Variants in EIPR1 observed in about 807,000 individuals in gnomAD.
The protein encoded by EIPR1 is EARP and GARP complex-interacting protein 1.
In EIPR1, 25 loss-of-function variants were observed where a neutral mutation model predicts 48.1. The ratio of observed to expected loss-of-function variants is 0.52; its 90% CI spans 0.38 to 0.73. EIPR1 has a LOEUF of 0.73. Ranked by LOEUF, EIPR1 falls within the 30% of genes least tolerant of loss-of-function variation. The pLI is 0.00. For missense variants in EIPR1, 415 were observed against 506.2 expected, an observed-to-expected ratio of 0.82 and a Z score of 1.73; for synonymous variants, 204 against 201.9, an observed-to-expected ratio of 1.01 and a Z score of -0.09.
intron 4 of EIPR1, among the ~76,000 whole-genome samples, chr2:3,256,704 A>G (rs940353273): frequency 7.2e-5 from 11 of 152,190 alleles, no homozygotes; most frequent in African/African-American, 2.7e-4. Flanking sequence ...AATTTTTACC[A>G]AGGCCTCAGG....
Position 3,192,569 on chromosome 2 carries a change from G to T in EIPR1, c.834C>A (p.Val278=). Residue 278 remains valine (V), a synonymous_variant, in exon 8 of 9, where the codon GTC becomes GTA. Coordinates refer to ENST00000382125, the MANE Select transcript of EIPR1 (RefSeq NM_003310.5). ...LEEHSHWVWN[V]RYNHSHDQLV... ...GCTGGTCATGAGAGTGGTTGTAGCG[G>T]ACGTTCCACACCCTGCAAAGGGCAA... The T allele has an allele frequency of 1.2e-6, 2 of 1,611,698 alleles. No individual in the cohort carries two copies. Among genetic ancestry groups the T allele is most frequent in the Non-Finnish European group, 1.7e-6 (2 of 1,179,442 alleles).
In EIPR1 at chr2:3,257,317, G is replaced by A. The variant is rs755971215; in HGVS notation, c.398C>T (p.Ala133Val). Residue 133 changes from alanine to valine, a missense_variant, in exon 4 of 9, where the codon GCC becomes GTC. Physicochemically the swap from Ala to Val is moderately conservative, Grantham distance 64 (BLOSUM62 0). Transcript: ENST00000382125. ...LELLCHLDNT[A>V]HGNMACVVWE... ...ATCCTACCAGGCCATGTTGCCATGG[G>A]CTGTGTTGTCAAGGTGACAGAGCAG... 26 of 1,613,806 alleles carry A rather than the reference G, an allele frequency of 1.6e-5. No individual in the cohort carries two copies. Among genetic ancestry groups the A allele is most frequent in the Non-Finnish European group, 1.9e-5 (23 of 1,179,862 alleles).
chr2:3,370,759 T>A (rs150012004), intron 1 of EIPR1, among the ~76,000 whole-genome samples: 69 of 152,340 alleles, frequency 4.5e-4, no homozygotes, highest in African/African-American at 1.5e-3. Context: ...AATCTGCACC[T>A]GATTGGTGTA....
chr2:3,315,007 G>A (rs1045435985), intron 3 of EIPR1, among the ~76,000 whole-genome samples: 41 of 151,378 alleles, frequency 2.7e-4, no homozygotes, highest in Non-Finnish European at 4.0e-4. Context: ...GCATCCCCTC[G>A]TGCTGCACTT....
At position 3,344,382 on chromosome 2, in the gene EIPR1, T is replaced by C. The variant is rs566501154; in HGVS notation, c.127-6233A>G. Among the ~76,000 whole-genome samples, 5 of 152,364 alleles carry C rather than the reference T, an allele frequency of 3.3e-5. No homozygotes were observed. The South Asian group carries it at 1.0e-3, about 32-fold the overall frequency. ...TTTCTTTACCCCTGGTTACAGCATGTGACTCTGAAAACACAGTTTCTACTC... is the reference window on the plus strand; with the variant it reads ...TTTCTTTACCCCTGGTTACAGCATGCGACTCTGAAAACACAGTTTCTACTC... On this transcript the variant is annotated intron_variant, in intron 2 of 8. Transcript: ENST00000382125.
intron 1 of EIPR1, among the ~76,000 whole-genome samples, chr2:3,363,729 G>T (rs1169913171): frequency 6.8e-6 from 1 of 147,670 alleles, no homozygotes; most frequent in African/African-American, 2.5e-5. Flanking sequence ...ACAGAATGGG[G>T]TAAAGATTTG....
At chr2:3,272,027 G>A (rs530386395) in intron 3 of EIPR1, among the ~76,000 whole-genome samples, 14 of 152,334 alleles carry the variant, frequency 9.2e-5, no homozygotes, top group African/African-American at 3.4e-4. Flanking sequence ...GCTTCACCTT[G>A]TACTCTTACG....
chr2:3,289,863 T>C (rs997929417), intron 3 of EIPR1, among the ~76,000 whole-genome samples: 15 of 152,202 alleles, frequency 9.9e-5, no homozygotes, highest in African/African-American at 3.4e-4. Context: ...GGCCACAAGA[T>C]ACTGGCCCCA....
chr2:3,342,439 A>G (rs1436619270), intron 2 of EIPR1, among the ~76,000 whole-genome samples: 1 of 152,230 alleles, frequency 6.6e-6, no homozygotes, highest in African/African-American at 2.4e-5. Context: ...CTACTTTGCA[A>G]ATCTGCTCCC....
intron 3 of EIPR1, among the ~76,000 whole-genome samples, chr2:3,335,263 G>A (rs1489018263): frequency 3.3e-5 from 5 of 152,242 alleles, no homozygotes; most frequent in African/African-American, 4.8e-5. Context: ...AGTGTATAAT[G>A]ACTATGGAAG....
intron 4 of EIPR1, among the ~76,000 whole-genome samples, chr2:3,255,663 T>C (rs950132211): frequency 3.9e-5 from 6 of 152,174 alleles, no homozygotes; most frequent in Non-Finnish European, 8.8e-5. Context: ...AGGTCCCTTT[T>C]CTGAGCTCAC....
chr2:3,358,179 G>C (rs568844169), intron 1 of EIPR1, among the ~76,000 whole-genome samples: 3 of 152,036 alleles, frequency 2.0e-5, no homozygotes, highest in Non-Finnish European at 4.4e-5. Context: ...CTGGTGTTTT[G>C]ATTCATTTCT....
chr2:3,212,141 G>A (rs1665478247), intron 5 of EIPR1, among the ~76,000 whole-genome samples: 1 of 152,194 alleles, frequency 6.6e-6, no homozygotes, highest in Admixed American at 6.5e-5. Context: ...GGGCCACAAA[G>A]TAATATTGAC....
At chr2:3,277,302 G>A (rs895649846) in intron 3 of EIPR1, among the ~76,000 whole-genome samples, 1 of 143,480 alleles carries the variant, frequency 7.0e-6, no homozygotes, top group Admixed American at 6.8e-5. Flanking sequence ...GGCTCCACAC[G>A]TGTCCTCTGT....
At chr2:3,302,392 C>T (rs976647160) in intron 3 of EIPR1, among the ~76,000 whole-genome samples, 4 of 152,178 alleles carry the variant, frequency 2.6e-5, no homozygotes, top group Non-Finnish European at 5.9e-5. Flanking sequence ...TGGTGAGTGG[C>T]AAACTGCGGT....
chr2:3,291,157 C>T (rs576017373), intron 3 of EIPR1, among the ~76,000 whole-genome samples: 4 of 152,240 alleles, frequency 2.6e-5, no homozygotes, highest in Non-Finnish European at 2.9e-5. Flanking sequence ...GGGGGTGGGG[C>T]GAGAACACCC....
chr2:3,269,464 T>G, intron 3 of EIPR1, among the ~76,000 whole-genome samples: 1 of 138,198 alleles, frequency 7.2e-6, no homozygotes, highest in East Asian at 2.2e-4. Context: ...ATCACCACAC[T>G]CAGTCATCGC....
At chr2:3,203,640 T>C (rs1665124906) in intron 5 of EIPR1, among the ~76,000 whole-genome samples, 1 of 152,222 alleles carries the variant, frequency 6.6e-6, no homozygotes, top group East Asian at 1.9e-4. Context: ...AAGAGGCCCA[T>C]GGTCGGCAGC....
intron 4 of EIPR1, among the ~76,000 whole-genome samples, chr2:3,250,144 T>C (rs887651136): frequency 2.0e-5 from 3 of 152,124 alleles, no homozygotes; most frequent in African/African-American, 4.8e-5. Context: ...GGCCCAAGAA[T>C]GGTAGAGCCA....
Sources: gnomAD v4.1 joint callset for allele counts (sites outside exome capture counted in the v4.1 genomes callset) on GRCh38, gnomAD v4.1.1 for gene constraint, MANE v1.5 for transcripts, NCBI Gene and HGNC (gene_info 2026-07-23, HGNC 2026-07-21) for gene names.